The following PCDH15 variants were observed in gnomAD, a reference collection of about 807,000 sequenced individuals.
PCDH15 encodes protocadherin-15.
PCDH15 carries 129 observed loss-of-function variants against 178.5 expected under a neutral mutation model. The observed-to-expected ratio is 0.72, with a 90% CI of 0.63 to 0.84. The LOEUF (loss-of-function observed/expected upper bound fraction) is 0.84, where lower values mean the gene tolerates loss of function less well. PCDH15 is among the 40% of genes least tolerant of loss of function. The probability of loss-of-function intolerance (pLI) is 0.00; values close to 1 mark genes in which losing one functional copy is unlikely to be tolerated. For synonymous variants in PCDH15, 800 were observed against 732.0 expected (o/e 1.09, Z -1.50); for missense variants, 2,230 against 2,099.9 (o/e 1.06, Z -1.21).
chr10:55,353,782 C>A (rs1378642524), intron 2 of PCDH15, among the ~76,000 whole-genome samples: 3 of 152,210 alleles, frequency 2.0e-5, no homozygotes, highest in Middle Eastern at 3.4e-3. Context: ...GTACAAAACC[C>A]TCCTTGGTGC....
chr10:53,983,711 A>C (rs2090863723), intron 21 of PCDH15, among the ~76,000 whole-genome samples: 1 of 152,212 alleles, frequency 6.6e-6, no homozygotes, highest in Non-Finnish European at 1.5e-5. Context: ...TTATTTAAAC[A>C]CAGTTGTTAA....
chr10:54,799,225 G>A (rs188920011), intron 1 of PCDH15, among the ~76,000 whole-genome samples: 130 of 150,850 alleles, frequency 8.6e-4, no homozygotes, highest in African/African-American at 3.1e-3. Context: ...TTTGCAAGTG[G>A]CATAAAAACA....
chr10:55,350,530 A>T (rs1185471383), intron 2 of PCDH15, among the ~76,000 whole-genome samples: 4 of 152,006 alleles, frequency 2.6e-5, no homozygotes, highest in Non-Finnish European at 5.9e-5. Flanking sequence ...AATAAGGAGA[A>T]TGAAGTGATG....
chr10:54,331,821 G>A (rs1939658672), intron 6 of PCDH15, among the ~76,000 whole-genome samples: 1 of 151,970 alleles, frequency 6.6e-6, no homozygotes, highest in Non-Finnish European at 1.5e-5. Flanking sequence ...AGGAGGCTAT[G>A]TCTCTAAATG....
intron 2 of PCDH15, among the ~76,000 whole-genome samples, chr10:55,021,279 T>A (rs1840320252): frequency 1.3e-5 from 2 of 152,230 alleles, no homozygotes. Flanking sequence ...TCCAAAAGAC[T>A]TAACATGGTG....
chr10:55,333,290 G>A (rs1020683319), intron 2 of PCDH15, among the ~76,000 whole-genome samples: 2 of 152,060 alleles, frequency 1.3e-5, no homozygotes, highest in African/African-American at 4.8e-5. Context: ...ATACTTTACA[G>A]ATTTAGGGGA....
At position 55,572,448 on chromosome 10, in the gene PCDH15, A is replaced by T. The variant is rs1183217494; in HGVS notation, c.-156+55177T>A. Among the ~76,000 whole-genome samples the T allele has an allele frequency of 4.6e-5, 7 of 151,150 alleles. No homozygotes were observed. The East Asian group carries it at 1.2e-3, about 25-fold the overall frequency. On this transcript the variant is annotated intron_variant, in intron 2 of 5. Coordinates refer to the PCDH15 transcript ENST00000613346. The stretch of plus-strand genomic sequence containing the variant: ...AGTATATTAATATATTATAATTTTT[A>T]AATATTAATTATTAAAAATTATTTA...
chr10:54,845,019 T>C (rs781607883), intron 3 of PCDH15, among the ~76,000 whole-genome samples: 5 of 152,000 alleles, frequency 3.3e-5, no homozygotes, highest in African/African-American at 4.8e-5. Context: ...TGAAAAATCA[T>C]GTTGAAATTA....
At chr10:53,901,384 C>G (rs1031707549) in intron 26 of PCDH15, among the ~76,000 whole-genome samples, 4 of 152,022 alleles carry the variant, frequency 2.6e-5, no homozygotes, top group African/African-American at 9.7e-5. Flanking sequence ...TCCTAATGTC[C>G]CATGTATGAT....
intron 2 of PCDH15, among the ~76,000 whole-genome samples, chr10:55,375,483 A>C (rs529810572): frequency 6.6e-6 from 1 of 152,114 alleles, no homozygotes; most frequent in Admixed American, 6.6e-5. Context: ...CATCTGCATC[A>C]TCACAATTTC....
chr10:54,695,411 A>G (rs12257880), intron 1 of PCDH15, among the ~76,000 whole-genome samples: 2,318 of 152,296 alleles, frequency 0.015, 48 homozygotes, highest in African/African-American at 0.052. Context: ...TGTTTATAAC[A>G]TTTAATGAAA....
At chr10:54,862,188 A>T (rs1237805353) in intron 3 of PCDH15, among the ~76,000 whole-genome samples, 1 of 152,212 alleles carries the variant, frequency 6.6e-6, no homozygotes, top group Non-Finnish European at 1.5e-5. Flanking sequence ...CAATGCACAC[A>T]GATAATTACA....
chr10:54,459,564 T>C (rs574534401), intron 3 of PCDH15, among the ~76,000 whole-genome samples: 52 of 152,204 alleles, frequency 3.4e-4, no homozygotes, highest in Admixed American at 2.8e-3. Flanking sequence ...ATTAGTCCCA[T>C]AATGTAAAGA....
At chr10:55,111,920 C>T (rs1837517936) in intron 2 of PCDH15, among the ~76,000 whole-genome samples, 1 of 152,144 alleles carries the variant, frequency 6.6e-6, no homozygotes, top group African/African-American at 2.4e-5. Context: ...CTGTGTTTCA[C>T]ATTATGATTA....
At chr10:53,886,219 C>T (rs1265581115) in intron 26 of PCDH15, among the ~76,000 whole-genome samples, 1 of 152,136 alleles carries the variant, frequency 6.6e-6, no homozygotes, top group African/African-American at 2.4e-5. Context: ...TGTGCATTTT[C>T]TCATTTATAT....
intron 3 of PCDH15, among the ~76,000 whole-genome samples, chr10:54,442,006 T>C (rs2075818365): frequency 6.6e-6 from 1 of 151,780 alleles, no homozygotes; most frequent in Admixed American, 6.6e-5. Context: ...CCCTGATAAA[T>C]ATTAGTGTAT....
At chr10:54,547,813 T>C (rs1490364548) in intron 2 of PCDH15, among the ~76,000 whole-genome samples, 1 of 152,120 alleles carries the variant, frequency 6.6e-6, no homozygotes, top group Non-Finnish European at 1.5e-5. Flanking sequence ...ACAAAAGTGC[T>C]GTGTCATGGG....
chr10:55,361,392 A>G (rs1391775619), intron 2 of PCDH15, among the ~76,000 whole-genome samples: 2 of 152,202 alleles, frequency 1.3e-5, no homozygotes, highest in East Asian at 3.9e-4. Context: ...AATCATAGCT[A>G]GCCATGATTC....
intron 2 of PCDH15, among the ~76,000 whole-genome samples, chr10:55,003,891 G>A (rs1380497118): frequency 2.0e-5 from 3 of 151,934 alleles, no homozygotes; most frequent in African/African-American, 7.3e-5. Context: ...TCTCAAGTTG[G>A]GGCCTGGAGA....
Sources: gnomAD v4.1 joint callset for allele counts (sites outside exome capture counted in the v4.1 genomes callset) on GRCh38, gnomAD v4.1.1 for gene constraint, MANE v1.5 for transcripts, NCBI Gene and HGNC (gene_info 2026-07-23, HGNC 2026-07-21) for gene names.